Variants in COX10 observed in about 807,000 individuals in gnomAD.
COX10 encodes the protein protoheme IX farnesyltransferase, mitochondrial.
COX10 carries 27 observed loss-of-function variants against 37.3 expected under a neutral mutation model. The observed-to-expected ratio is 0.72, with a 90% CI of 0.53 to 1.00. COX10 has a LOEUF of 1.00. Among genes scored for constraint, COX10 ranks in the 50% least tolerant of loss-of-function variants. COX10 has a pLI of 0.00. For synonymous variants in COX10, 222 were observed against 229.1 expected (o/e 0.97, Z 0.28); for missense variants, 475 against 563.2 (o/e 0.84, Z 1.59).
At chr17:14,185,174 T>C (rs1460272100) in intron 5 of COX10, among the ~76,000 whole-genome samples, 1 of 151,964 alleles carries the variant, frequency 6.6e-6, no homozygotes. Flanking sequence ...ATTTAAATAT[T>C]GAATAAATTA....
intron 5 of COX10, among the ~76,000 whole-genome samples, chr17:14,181,096 C>T (rs1301678612): frequency 6.6e-6 from 1 of 151,850 alleles, no homozygotes; most frequent in Non-Finnish European, 1.5e-5. Flanking sequence ...AAGGTGAGAA[C>T]GGAGAGAGAA....
chr17:14,127,940 TG>T (rs1238976850), intron 4 of COX10, among the ~76,000 whole-genome samples: 2 of 151,338 alleles, frequency 1.3e-5, no homozygotes, highest in African/African-American at 4.8e-5. Flanking sequence ...TGTGTGTGTG[TG>T]TGTGTGTGTG....
intron 2 of COX10, among the ~76,000 whole-genome samples, chr17:14,076,375 G>A (rs954173673): frequency 6.6e-6 from 1 of 151,918 alleles, no homozygotes; most frequent in Non-Finnish European, 1.5e-5. Flanking sequence ...GTGCCTGGCT[G>A]GGCCCTTGAT....
chr17:14,120,165 G>A (rs1194545423), intron 4 of COX10, among the ~76,000 whole-genome samples: 1 of 152,190 alleles, frequency 6.6e-6, no homozygotes, highest in African/African-American at 2.4e-5. Context: ...AGCGGACCTA[G>A]GTTTGGTGGA....
chr17:14,139,248 G>T (rs1290787122), intron 4 of COX10, among the ~76,000 whole-genome samples: 2 of 151,988 alleles, frequency 1.3e-5, no homozygotes, highest in African/African-American at 4.8e-5. Context: ...TTGCATGTCT[G>T]TTATAGTCAT....
chr17:14,123,662 A>G (rs992045465), intron 4 of COX10, among the ~76,000 whole-genome samples: 2 of 152,198 alleles, frequency 1.3e-5, no homozygotes, highest in Non-Finnish European at 2.9e-5. Context: ...GTTATGTTTT[A>G]AGGTAAATAA....
chr17:14,165,333 TG>T (rs1445879726), intron 5 of COX10, among the ~76,000 whole-genome samples: 26 of 152,370 alleles, frequency 1.7e-4, no homozygotes, highest in African/African-American at 5.8e-4. Flanking sequence ...ATGGTCACTT[TG>T]TGTCTCTGTG....
chr17:14,087,484 A>G (rs1438697199), intron 3 of COX10, among the ~76,000 whole-genome samples: 1 of 152,150 alleles, frequency 6.6e-6, no homozygotes, highest in African/African-American at 2.4e-5. Context: ...CCTGGCACGT[A>G]GTAAGCGCTC....
At chr17:14,168,451 C>T (rs775949613) in intron 5 of COX10, among the ~76,000 whole-genome samples, 2 of 152,216 alleles carry the variant, frequency 1.3e-5, no homozygotes, top group Non-Finnish European at 2.9e-5. Flanking sequence ...CTAGGCAGTG[C>T]TCTAGTGGGG....
intron 4 of COX10, among the ~76,000 whole-genome samples, chr17:14,134,277 T>G (rs1916530490): frequency 6.6e-6 from 1 of 151,836 alleles, no homozygotes; most frequent in East Asian, 1.9e-4. Context: ...ATTAATCATA[T>G]GCATACATGC....
In COX10 at chr17:14,159,911, G is replaced by C; in HGVS notation, c.659G>C (p.Arg220Thr). 1 of 1,612,524 alleles carries C rather than the reference G, an allele frequency of 6.2e-7. No homozygotes were observed. Among genetic ancestry groups the C allele is most frequent in the Non-Finnish European group, 8.5e-7 (1 of 1,179,644 alleles). ...FEVPFDSNMN[R>T]TKNRPLVRGQ... ...GTGCCATTTGACTCAAACATGAATA[G>C]GACAAAGAACAGACCGCTGGTTCGT... Residue 220 changes from arginine to threonine, a missense_variant, in exon 5 of 7, where the codon AGG becomes ACG. Transcript: ENST00000261643.
intron 5 of COX10, among the ~76,000 whole-genome samples, chr17:14,174,461 A>C (rs1041412896): frequency 1.3e-5 from 2 of 151,352 alleles, no homozygotes; most frequent in African/African-American, 4.8e-5. Flanking sequence ...CCTGTCAAAA[A>C]AAAAAAAAAA....
intron 5 of COX10, among the ~76,000 whole-genome samples, chr17:14,178,985 GC>G (rs767020029): frequency 2.6e-5 from 4 of 152,168 alleles, no homozygotes; most frequent in Non-Finnish European, 5.9e-5. Flanking sequence ...GTGGCACTTG[GC>G]CAGATGTGTA....
At chr17:14,162,425 C>T (rs1905188500) in intron 5 of COX10, among the ~76,000 whole-genome samples, 1 of 152,162 alleles carries the variant, frequency 6.6e-6, no homozygotes, top group Admixed American at 6.6e-5. Flanking sequence ...AGCCCAGGGA[C>T]CTCCTGAACC....
At chr17:14,192,442 A>G (rs964259085) in intron 6 of COX10, among the ~76,000 whole-genome samples, 11 of 152,066 alleles carry the variant, frequency 7.2e-5, no homozygotes, top group African/African-American at 2.7e-4. Context: ...CTTATAGGGA[A>G]TGTCTGGGAG....
chr17:14,162,375 A>C (rs1002251802), intron 5 of COX10, among the ~76,000 whole-genome samples: 1 of 152,124 alleles, frequency 6.6e-6, no homozygotes, highest in Non-Finnish European at 1.5e-5. Context: ...ATTTGCCTTC[A>C]AAAAAATGCC....
intron 5 of COX10, among the ~76,000 whole-genome samples, chr17:14,185,502 A>C (rs1443854735): frequency 6.6e-6 from 1 of 152,026 alleles, no homozygotes; most frequent in Non-Finnish European, 1.5e-5. Context: ...TTTTCTATCT[A>C]AAAGATAGAT....
At chr17:14,136,752 A>G (rs932182622) in intron 4 of COX10, among the ~76,000 whole-genome samples, 1 of 152,066 alleles carries the variant, frequency 6.6e-6, no homozygotes, top group Non-Finnish European at 1.5e-5. Context: ...AAAGATGGAC[A>G]TGTATGGTTT....
intron 5 of COX10, among the ~76,000 whole-genome samples, chr17:14,180,503 C>A (rs1905825291): frequency 6.6e-6 from 1 of 152,252 alleles, no homozygotes; most frequent in South Asian, 2.1e-4. Context: ...AGTTACACTC[C>A]TTTCTCTCAT....
Sources: allele counts gnomAD v4.1 joint callset (sites outside exome capture counted in the v4.1 genomes callset), GRCh38; gene constraint gnomAD v4.1.1; transcripts MANE v1.5; gene names NCBI Gene and HGNC (gene_info 2026-07-23, HGNC 2026-07-21).